GABRB2: variants seen among roughly 807,000 people sequenced by gnomAD.
GABRB2 encodes the protein gamma-aminobutyric acid type A receptor subunit beta2, also known as gamma-aminobutyric acid receptor subunit beta-2.
GABRB2 carries 16 observed loss-of-function variants against 54.7 expected under a neutral mutation model. The observed-to-expected ratio is 0.29, with a 90% CI of 0.20 to 0.44. GABRB2 has a LOEUF of 0.44. Among genes scored for constraint, GABRB2 ranks in the 20% least tolerant of loss-of-function variants. GABRB2 has a pLI of 1.00. For synonymous variants in GABRB2, 244 were observed against 233.8 expected, an observed-to-expected ratio of 1.04 and a Z score of -0.40; for missense variants, 355 against 644.0, an observed-to-expected ratio of 0.55 and a Z score of 4.86.
upstream of GABRB2, chr5:161,546,902 C>A (rs1339555304): frequency 3.6e-6 from 2 of 559,758 alleles, no homozygotes; most frequent in Non-Finnish European, 5.4e-6. Flanking sequence ...ACAGCAGCAT[C>A]CAGAATAAAA....
chr5:161,526,764 G>C (rs1041107637), intron 3 of GABRB2, among the ~76,000 whole-genome samples: 2 of 151,294 alleles, frequency 1.3e-5, no homozygotes, highest in African/African-American at 4.8e-5. Context: ...ATAAAGTACT[G>C]AAGTATAAAT....
chr5:161,539,369 C>T (rs1289556438), intron 3 of GABRB2, among the ~76,000 whole-genome samples: 1 of 152,204 alleles, frequency 6.6e-6, no homozygotes, highest in East Asian at 1.9e-4. Context: ...ACCTAAGTCA[C>T]ATGGTTCTGA....
intron 3 of GABRB2, among the ~76,000 whole-genome samples, chr5:161,517,281 G>C (rs566690538): frequency 2.0e-5 from 3 of 152,212 alleles, no homozygotes; most frequent in African/African-American, 7.2e-5. Context: ...GAAAACTATT[G>C]ATCTAATAGG....
chr5:161,491,301 T>C (rs1035200335), intron 3 of GABRB2, among the ~76,000 whole-genome samples: 4 of 151,666 alleles, frequency 2.6e-5, no homozygotes, highest in African/African-American at 7.2e-5. Context: ...AGTTTGATCC[T>C]ATGAGATTTA....
chr5:161,464,832 T>C (rs1758229393), intron 3 of GABRB2, among the ~76,000 whole-genome samples: 1 of 151,960 alleles, frequency 6.6e-6, no homozygotes, highest in African/African-American at 2.4e-5. Flanking sequence ...TTGTATGACA[T>C]GAAAAAGGTG....
At chr5:161,365,715 G>A (rs1303126652) in intron 5 of GABRB2, among the ~76,000 whole-genome samples, 2 of 152,118 alleles carry the variant, frequency 1.3e-5, no homozygotes, top group African/African-American at 2.4e-5. Context: ...GCAGAGCCAT[G>A]ATTCTTTCCT....
At chr5:161,338,319 G>A (rs1323640317) in intron 5 of GABRB2, among the ~76,000 whole-genome samples, 2 of 151,992 alleles carry the variant, frequency 1.3e-5, no homozygotes, top group East Asian at 1.9e-4. Context: ...GAAGCCCTCC[G>A]GATATAGTTA....
At chr5:161,308,093 C>T (rs1357720118) in intron 9 of GABRB2, among the ~76,000 whole-genome samples, 1 of 152,054 alleles carries the variant, frequency 6.6e-6, no homozygotes, top group African/African-American at 2.4e-5. Flanking sequence ...GATCTCCTGA[C>T]CTCGTGATCT....
intron 3 of GABRB2, among the ~76,000 whole-genome samples, chr5:161,508,083 G>A (rs552463039): frequency 1.3e-5 from 2 of 151,878 alleles, no homozygotes; most frequent in African/African-American, 4.8e-5. Context: ...TATAAATACT[G>A]TTTTAAGTAC....
At chr5:161,331,209 T>C (rs966926765) in intron 7 of GABRB2, 82 bp from the exon 8 acceptor site, 1 of 1,434,532 alleles carries the variant, frequency 7.0e-7, no homozygotes, top group African/African-American at 1.4e-5. Flanking sequence ...TGATCTATAT[T>C]CATTTTCTCA....
At chr5:161,313,120 C>T (rs1757923983) in intron 9 of GABRB2, among the ~76,000 whole-genome samples, 1 of 152,124 alleles carries the variant, frequency 6.6e-6, no homozygotes, top group Non-Finnish European at 1.5e-5. Context: ...GCTGTTATGT[C>T]CTGTGAAGTC....
chr5:161,499,732 A>G (rs1162345811), intron 3 of GABRB2, among the ~76,000 whole-genome samples: 1 of 152,240 alleles, frequency 6.6e-6, no homozygotes, highest in Non-Finnish European at 1.5e-5. Flanking sequence ...ATAAAATAAA[A>G]GCATGGAAAG....
intron 5 of GABRB2, among the ~76,000 whole-genome samples, chr5:161,406,732 G>T (rs1266174879): frequency 6.6e-6 from 1 of 152,016 alleles, no homozygotes; most frequent in African/African-American, 2.4e-5. Flanking sequence ...GTGACTCTGA[G>T]AGGCCAGCAA....
At chr5:161,393,014 C>T (rs746981729) in intron 5 of GABRB2, among the ~76,000 whole-genome samples, 82 of 151,666 alleles carry the variant, frequency 5.4e-4, no homozygotes, top group Non-Finnish European at 1.1e-3. Flanking sequence ...TTCTTCTAAC[C>T]GGGATGCAGA....
chr5:161,515,666 T>C (rs936037484), intron 3 of GABRB2, among the ~76,000 whole-genome samples: 1 of 152,196 alleles, frequency 6.6e-6, no homozygotes, highest in Non-Finnish European at 1.5e-5. Context: ...GAAGAACTCA[T>C]AAAGGAATTT....
In GABRB2 at chr5:161,463,317, C is replaced by CCACA. The variant is rs137863733; in HGVS notation, c.238-3477_238-3474dup. Among the ~76,000 whole-genome samples the CCACA allele has an allele frequency of 8.3e-3, 1,166 of 141,170 alleles. 10 individuals carry two copies. Among genetic ancestry groups the CCACA allele is most frequent in the African/African-American group, 0.021 (814 of 38,108 alleles). The allele number at this position is 141,170 out of a possible 152,430, so 92.6% of individuals were successfully genotyped here. ...AAAGTAGCATGCATGTACACACACA[C>CCACA]CACACACACACACACACACACACAC... is the stretch of plus-strand genomic sequence containing the variant. On this transcript the variant is annotated intron_variant, in intron 3 of 9. Coordinates refer to ENST00000393959, the MANE Select transcript of GABRB2 (RefSeq NM_001371727.1).
intron 5 of GABRB2, among the ~76,000 whole-genome samples, chr5:161,363,747 C>T (rs1754892458): frequency 6.6e-6 from 1 of 152,056 alleles, no homozygotes; most frequent in African/African-American, 2.4e-5. Context: ...ATCATTCTTT[C>T]TTTAGCTGCA....
chr5:161,486,510 G>A (rs958372461), intron 3 of GABRB2, among the ~76,000 whole-genome samples: 4 of 152,018 alleles, frequency 2.6e-5, no homozygotes, highest in South Asian at 2.1e-4. Flanking sequence ...TTCTGATCCC[G>A]TCTATGATAT....
chr5:161,336,759 T>G lies in GABRB2; in HGVS notation c.552A>C (p.Thr184=). 6.2e-7 allele frequency: 1 copy of G among 1,611,122 alleles called. No homozygotes were observed. Among genetic ancestry groups the G allele is most frequent in the Non-Finnish European group, 8.5e-7 (1 of 1,179,366 alleles). ...GCCAGTAAAACTCAATGTCATCAGT[T>G]GTGTATCCATCTGTGAAAGGAAACA... ...CTLEIESYGY[T]TDDIEFYWRG... is the part of the protein sequence containing the mutation. Residue 184 remains threonine, a synonymous_variant, in exon 6 of 10, where the codon ACA becomes ACC. Transcript: ENST00000393959.
Sources: gnomAD v4.1 joint callset for allele counts (sites outside exome capture counted in the v4.1 genomes callset) on GRCh38, gnomAD v4.1.1 for gene constraint, MANE v1.5 for transcripts, NCBI Gene and HGNC (gene_info 2026-07-23, HGNC 2026-07-21) for gene names.